PLCB1: variants seen among roughly 807,000 people sequenced by gnomAD.
PLCB1 encodes the protein phospholipase C beta 1, also known as 1-phosphatidylinositol 4,5-bisphosphate phosphodiesterase beta-1.
Under a neutral mutation model 161.8 loss-of-function variants are expected in PLCB1, and 46 were observed. The observed-to-expected ratio is 0.28, with a 90% confidence interval of 0.22 to 0.36. PLCB1 has a LOEUF of 0.36. Ranked by LOEUF, PLCB1 falls within the 10% of genes least tolerant of loss-of-function variation. The pLI is 1.00. For missense variants in PLCB1, 1,016 were observed against 1,472.5 expected, an observed-to-expected ratio of 0.69 and a Z score of 5.07; for synonymous variants, 517 against 503.7, an observed-to-expected ratio of 1.03 and a Z score of -0.35.
intron 2 of PLCB1, among the ~76,000 whole-genome samples, chr20:8,354,707 C>CATTTAGA (rs1290727861): frequency 6.6e-6 from 1 of 152,134 alleles, no homozygotes; most frequent in Admixed American, 6.6e-5. Flanking sequence ...AATGGACTGG[C>CATTTAGA]ATTTAGAAGC....
intron 1 of PLCB1, among the ~76,000 whole-genome samples, chr20:8,143,827 T>TATA (rs2051427618): frequency 6.6e-6 from 1 of 152,204 alleles, no homozygotes; most frequent in Admixed American, 6.5e-5. Context: ...ATTTTAGACG[T>TATA]ATAAAGTCAA....
intron 31 of PLCB1, among the ~76,000 whole-genome samples, chr20:8,831,795 A>G (rs957597934): frequency 6.6e-6 from 1 of 152,160 alleles, no homozygotes; most frequent in Non-Finnish European, 1.5e-5. Flanking sequence ...ATGCCCAGCT[A>G]GTTATTTATA....
intron 3 of PLCB1, among the ~76,000 whole-genome samples, chr20:8,443,748 T>G (rs1980674098): frequency 6.6e-6 from 1 of 152,214 alleles, no homozygotes. Context: ...TTTCTGGCAA[T>G]GGCTGAATAT....
intron 2 of PLCB1, among the ~76,000 whole-genome samples, chr20:8,238,630 A>G (rs895672122): frequency 6.6e-6 from 1 of 151,988 alleles, no homozygotes; most frequent in Non-Finnish European, 1.5e-5. Context: ...TCATATTAAC[A>G]TATGCAGGAT....
intron 25 of PLCB1, 37 bp downstream of exon 25, chr20:8,760,497 C>T (rs945970322): frequency 7.1e-7 from 1 of 1,418,432 alleles, no homozygotes; most frequent in Non-Finnish European, 1.0e-6. Context: ...AATTAAGCAG[C>T]TCAGTGTTAC....
chr20:8,589,809 A>C (rs569456296), intron 3 of PLCB1, among the ~76,000 whole-genome samples: 2 of 151,582 alleles, frequency 1.3e-5, no homozygotes, highest in African/African-American at 4.8e-5. Flanking sequence ...TAAGGATGAG[A>C]AGTCTCATTA....
intron 3 of PLCB1, among the ~76,000 whole-genome samples, chr20:8,425,803 A>C (rs1248171348): frequency 6.6e-6 from 1 of 152,154 alleles, no homozygotes; most frequent in Non-Finnish European, 1.5e-5. Flanking sequence ...ACGCTCATTA[A>C]GGCTGTATTT....
At chr20:8,869,973 T>C (rs992234729) in intron 31 of PLCB1, among the ~76,000 whole-genome samples, 5 of 152,252 alleles carry the variant, frequency 3.3e-5, no homozygotes, top group Non-Finnish European at 7.3e-5. Flanking sequence ...GCCATAGGAA[T>C]AGGAGTGAAA....
intron 3 of PLCB1, among the ~76,000 whole-genome samples, chr20:8,551,836 G>T (rs1985785997): frequency 6.6e-6 from 1 of 151,970 alleles, no homozygotes; most frequent in Admixed American, 6.6e-5. Flanking sequence ...TATTTCTCTA[G>T]AACTCTTGTC....
Position 8,390,518 on chromosome 20 carries a change from G to A in PLCB1, c.246+19068G>A, listed in dbSNP as rs78381066. Among the ~76,000 whole-genome samples, 153 of 152,226 alleles carry A rather than the reference G, an allele frequency of 1.0e-3. 1 individual carries two copies. Among genetic ancestry groups the A allele is most frequent in the Middle Eastern group, 3.4e-3 (1 of 294 alleles). On this transcript the variant is annotated intron_variant, in intron 3 of 31. Transcript: ENST00000338037. ...TTCCCTCATTACATTACAAAGCCTA[G>A]CTTAGGATTTGCTTCTTTATAAGGA...
intron 2 of PLCB1, among the ~76,000 whole-genome samples, chr20:8,182,070 C>T (rs1271351204): frequency 2.0e-5 from 3 of 152,102 alleles, no homozygotes; most frequent in African/African-American, 7.2e-5. Context: ...GAGTGACATC[C>T]CTGTAAGACA....
intron 31 of PLCB1, among the ~76,000 whole-genome samples, chr20:8,853,874 A>G (rs949866194): frequency 6.6e-5 from 10 of 152,210 alleles, no homozygotes; most frequent in Non-Finnish European, 1.3e-4. Flanking sequence ...GCGTTATTCA[A>G]CAAAGAAGCG....
rs115636755 is a variant in PLCB1 at position 8,760,953 on chromosome 20, G to T, written c.2710+493G>T. ...TGCAGTACAATTAGCAGTATGTAGTGGAATCTTAAAAATGTTTATAATACT... is the reference window on the plus strand; with the variant it reads ...TGCAGTACAATTAGCAGTATGTAGTTGAATCTTAAAAATGTTTATAATACT... On this transcript the variant is annotated intron_variant, in intron 25 of 31. Transcript: ENST00000338037. Among the ~76,000 whole-genome samples the T allele has an allele frequency of 5.2e-3, 792 of 152,252 alleles. 6 individuals carry two copies. Among genetic ancestry groups the T allele is most frequent in the African/African-American group, 0.018 (747 of 41,524 alleles).
chr20:8,480,571 C>T (rs560473347), intron 3 of PLCB1, among the ~76,000 whole-genome samples: 1 of 152,224 alleles, frequency 6.6e-6, no homozygotes, highest in Admixed American at 6.5e-5. Flanking sequence ...ATGAGGAGGG[C>T]TCTGTAACTG....
Position 8,523,592 on chromosome 20 carries a change from A to T in PLCB1, c.247-104702A>T, listed in dbSNP as rs191050019. Among the ~76,000 whole-genome samples the T allele has an allele frequency of 1.9e-3, 287 of 147,764 alleles. 3 individuals carry two copies. Among genetic ancestry groups the T allele is most frequent in the Non-Finnish European group, 3.3e-3 (223 of 67,092 alleles). ...CATGACCGTGAACGAATCTAGCAGT[A>T]TGAGAATTTGATTGAAAGTCTCAGG... is the stretch of plus-strand genomic sequence containing the variant. On this transcript the variant is annotated intron_variant, in intron 3 of 31. Transcript: ENST00000338037.
chr20:8,801,515 G>A (rs540841132), intron 31 of PLCB1, among the ~76,000 whole-genome samples: 113 of 152,262 alleles, frequency 7.4e-4, no homozygotes, highest in African/African-American at 2.6e-3. Context: ...GTTCCCTGAC[G>A]CTCTTGAGTT....
chr20:8,356,207 A>AGT (rs1374945118), intron 2 of PLCB1, among the ~76,000 whole-genome samples: 1 of 152,182 alleles, frequency 6.6e-6, no homozygotes, highest in African/African-American at 2.4e-5. Context: ...AGTGTTTATA[A>AGT]GTAAGGGAAT....
At chr20:8,806,572 C>G (rs1984547811) in intron 31 of PLCB1, among the ~76,000 whole-genome samples, 1 of 152,108 alleles carries the variant, frequency 6.6e-6, no homozygotes, top group African/African-American at 2.4e-5. Flanking sequence ...CTTTCTCTCT[C>G]TCCTCTTCCC....
intron 3 of PLCB1, among the ~76,000 whole-genome samples, chr20:8,619,466 A>T (rs907829281): frequency 1.3e-5 from 2 of 152,114 alleles, no homozygotes; most frequent in Non-Finnish European, 2.9e-5. Context: ...ATAAGCTAAC[A>T]TTTATTTCAC....
Sources: gnomAD v4.1 joint callset for allele counts (sites outside exome capture counted in the v4.1 genomes callset) on GRCh38, gnomAD v4.1.1 for gene constraint, MANE v1.5 for transcripts, NCBI Gene and HGNC (gene_info 2026-07-23, HGNC 2026-07-21) for gene names.